CNTNAP2: variants seen among roughly 807,000 people sequenced by gnomAD.
The protein encoded by CNTNAP2 is contactin associated protein 2, also known as contactin-associated protein-like 2.
In CNTNAP2, 98 loss-of-function variants were observed where a neutral mutation model predicts 155.2. The ratio of observed to expected loss-of-function variants is 0.63; its 90% CI spans 0.54 to 0.75. CNTNAP2 has a LOEUF of 0.75. Ranked by LOEUF, CNTNAP2 falls within the 30% of genes least tolerant of loss-of-function variation. The pLI is 0.00. For synonymous variants in CNTNAP2, 651 were observed against 631.2 expected (o/e 1.03, Z -0.47); for missense variants, 1,727 against 1,688.1 (o/e 1.02, Z -0.40).
chr7:147,955,075 T>C (rs1269956292), intron 14 of CNTNAP2, among the ~76,000 whole-genome samples: 6 of 152,208 alleles, frequency 3.9e-5, no homozygotes, highest in Non-Finnish European at 7.3e-5. Context: ...CAGAAAAGGC[T>C]TTCCAAGTTC....
chr7:147,858,749 C>G (rs191477291), intron 13 of CNTNAP2, among the ~76,000 whole-genome samples: 177 of 152,182 alleles, frequency 1.2e-3, no homozygotes, highest in African/African-American at 4.0e-3. Flanking sequence ...CTAAAAGCTA[C>G]GTGTACAAGC....
At chr7:146,955,744 A>G (rs1797420706) in intron 3 of CNTNAP2, among the ~76,000 whole-genome samples, 1 of 152,036 alleles carries the variant, frequency 6.6e-6, no homozygotes, top group Non-Finnish European at 1.5e-5. Context: ...AATTACAATG[A>G]TTGTACTGCA....
At chr7:146,253,552 G>A (rs1354121465) in intron 1 of CNTNAP2, among the ~76,000 whole-genome samples, 2 of 152,118 alleles carry the variant, frequency 1.3e-5, no homozygotes, top group African/African-American at 4.8e-5. Context: ...ATATTCCAGT[G>A]TATGTTCTAA....
chr7:147,185,612 A>G (rs953428601), intron 8 of CNTNAP2, among the ~76,000 whole-genome samples: 11 of 152,224 alleles, frequency 7.2e-5, no homozygotes, highest in Non-Finnish European at 1.6e-4. Flanking sequence ...TTAGAAATCT[A>G]ATGTTAAGCA....
intron 1 of CNTNAP2, among the ~76,000 whole-genome samples, chr7:146,444,950 C>T (rs886072714): frequency 5.3e-5 from 8 of 152,158 alleles, no homozygotes; most frequent in South Asian, 2.1e-4. Flanking sequence ...AGCCACCCAC[C>T]GAGACACATA....
intron 8 of CNTNAP2, among the ~76,000 whole-genome samples, chr7:147,166,549 T>C (rs1161183599): frequency 6.6e-6 from 1 of 152,012 alleles, no homozygotes; most frequent in African/African-American, 2.4e-5. Flanking sequence ...AAATAAAAAA[T>C]GTTAAGTTTC....
chr7:147,862,416 G>A (rs185142678), intron 13 of CNTNAP2, among the ~76,000 whole-genome samples: 18 of 152,072 alleles, frequency 1.2e-4, no homozygotes, highest in Admixed American at 4.6e-4. Flanking sequence ...TGCATCTTTC[G>A]TGTGCATAAT....
intron 16 of CNTNAP2, among the ~76,000 whole-genome samples, chr7:148,134,576 A>C (rs1250279798): frequency 3.9e-5 from 6 of 152,210 alleles, no homozygotes; most frequent in Non-Finnish European, 8.8e-5. Context: ...ATAGGGAAGA[A>C]ATGAGGAATA....
At chr7:146,921,236 T>C (rs1304358488) in intron 3 of CNTNAP2, among the ~76,000 whole-genome samples, 2 of 152,172 alleles carry the variant, frequency 1.3e-5, no homozygotes, top group East Asian at 3.9e-4. Flanking sequence ...TTCTCAAAAC[T>C]TGCAGAATTG....
At chr7:147,019,708 C>T (rs897807210) in intron 3 of CNTNAP2, among the ~76,000 whole-genome samples, 1 of 152,080 alleles carries the variant, frequency 6.6e-6, no homozygotes, top group African/African-American at 2.4e-5. Flanking sequence ...CCCTAGTCAA[C>T]ATGGTTCAAA....
At chr7:146,629,719 TTATA>T (rs1424578041) in intron 1 of CNTNAP2, among the ~76,000 whole-genome samples, 2 of 152,122 alleles carry the variant, frequency 1.3e-5, no homozygotes, top group African/African-American at 4.8e-5. Flanking sequence ...TTCTTGCAGA[TTATA>T]TGTTACATGG....
intron 12 of CNTNAP2, among the ~76,000 whole-genome samples, chr7:147,603,822 T>C (rs1325991557): frequency 6.6e-6 from 1 of 152,094 alleles, no homozygotes; most frequent in Non-Finnish European, 1.5e-5. Flanking sequence ...CTTCAAACTA[T>C]ACTACAAGGC....
chr7:147,959,453 T>G (rs1035050242), intron 14 of CNTNAP2, among the ~76,000 whole-genome samples: 2 of 152,022 alleles, frequency 1.3e-5, no homozygotes, highest in Non-Finnish European at 2.9e-5. Flanking sequence ...CAGGAAAGAA[T>G]TTAAGGGCAA....
At chr7:147,332,604 C>G (rs1166497732) in intron 9 of CNTNAP2, among the ~76,000 whole-genome samples, 2 of 152,070 alleles carry the variant, frequency 1.3e-5, no homozygotes, top group Non-Finnish European at 2.9e-5. Flanking sequence ...TGGCTCATGC[C>G]TGTAATCCCA....
chr7:146,887,338 TTTTG>T (rs1317205451), intron 3 of CNTNAP2, among the ~76,000 whole-genome samples: 2 of 151,894 alleles, frequency 1.3e-5, no homozygotes, highest in Non-Finnish European at 2.9e-5. Context: ...TTTTGTTTTG[TTTTG>T]TTTTTTTGTA....
chr7:147,115,284 T>A (rs1054422866), intron 5 of CNTNAP2, among the ~76,000 whole-genome samples: 2 of 152,128 alleles, frequency 1.3e-5, no homozygotes, highest in Admixed American at 6.5e-5. Context: ...GAGAATCTGA[T>A]GATTATGTGT....
At chr7:146,754,281 A>G (rs1801954436) in intron 1 of CNTNAP2, among the ~76,000 whole-genome samples, 1 of 152,054 alleles carries the variant, frequency 6.6e-6, no homozygotes, top group African/African-American at 2.4e-5. Flanking sequence ...ACTCTGAGAC[A>G]AATTGATAGG....
intron 3 of CNTNAP2, among the ~76,000 whole-genome samples, chr7:146,916,202 C>T (rs954746791): frequency 1.3e-5 from 2 of 152,034 alleles, no homozygotes; most frequent in Non-Finnish European, 2.9e-5. Flanking sequence ...TTTTGATATG[C>T]TGTTGGACTT....
chr7:147,491,722 T>C (rs1440674160), intron 11 of CNTNAP2, among the ~76,000 whole-genome samples: 1 of 152,124 alleles, frequency 6.6e-6, no homozygotes, highest in Non-Finnish European at 1.5e-5. Flanking sequence ...ATGCCCTCTT[T>C]ACAGTAAATT....
Sources: gnomAD v4.1 joint callset for allele counts (sites outside exome capture counted in the v4.1 genomes callset) on GRCh38, gnomAD v4.1.1 for gene constraint, MANE v1.5 for transcripts, NCBI Gene and HGNC (gene_info 2026-07-23, HGNC 2026-07-21) for gene names.